Variants in DOCK4 observed in about 807,000 individuals in gnomAD.
DOCK4 encodes dedicator of cytokinesis 4.
Under a neutral mutation model 268.1 loss-of-function variants are expected in DOCK4, and 97 were observed. The ratio of observed to expected loss-of-function variants is 0.36; its 90% CI spans 0.31 to 0.43. The LOEUF (loss-of-function observed/expected upper bound fraction) is 0.43, where lower values mean the gene tolerates loss of function less well. Ranked by LOEUF, DOCK4 falls within the 20% of genes least tolerant of loss-of-function variation. The pLI, the probability that DOCK4 is intolerant of heterozygous loss-of-function variation, is 1.00. For missense variants in DOCK4, 2,145 were observed against 2,455.7 expected (o/e 0.87, Z 2.67); for synonymous variants, 954 against 887.2 (o/e 1.08, Z -1.34).
At chr7:111,848,577 T>C (rs77032942) in intron 23 of DOCK4, among the ~76,000 whole-genome samples, 2,099 of 152,118 alleles carry the variant, frequency 0.014, 41 homozygotes, top group African/African-American at 0.046. Flanking sequence ...GGCAGGAAAA[T>C]AGGGTCTGGA....
chr7:111,951,762 G>A (rs1236040573), intron 8 of DOCK4, among the ~76,000 whole-genome samples: 1 of 151,904 alleles, frequency 6.6e-6, no homozygotes, highest in African/African-American at 2.4e-5. Flanking sequence ...TACACAGAAG[G>A]CTGAGGTGGG....
chr7:111,958,895 A>G (rs963739803), intron 8 of DOCK4, among the ~76,000 whole-genome samples: 7 of 152,174 alleles, frequency 4.6e-5, no homozygotes, highest in African/African-American at 7.2e-5. Context: ...TGCTCATTTC[A>G]TATTTAAAAC....
At chr7:111,787,320 T>A (rs1303635938) in intron 32 of DOCK4, among the ~76,000 whole-genome samples, 1 of 152,158 alleles carries the variant, frequency 6.6e-6, no homozygotes, top group Non-Finnish European at 1.5e-5. Context: ...AAAAGCAATT[T>A]ATTATACTGC....
At chr7:111,973,255 T>C (rs918593432) in intron 8 of DOCK4, among the ~76,000 whole-genome samples, 5 of 150,846 alleles carry the variant, frequency 3.3e-5, no homozygotes, top group East Asian at 3.9e-4. Context: ...CAATTGCAAA[T>C]TGTGCTGTTA....
chr7:112,204,202 T>C, intron 1 of DOCK4, among the ~76,000 whole-genome samples: 1 of 152,082 alleles, frequency 6.6e-6, no homozygotes, highest in Non-Finnish European at 1.5e-5. Flanking sequence ...CCACCGCTTG[T>C]AAAGAAAGGC....
chr7:111,828,093 T>C (rs1802539060), intron 26 of DOCK4, among the ~76,000 whole-genome samples: 1 of 152,132 alleles, frequency 6.6e-6, no homozygotes, highest in Non-Finnish European at 1.5e-5. Flanking sequence ...GCCTCCAGTA[T>C]GAGGTGGGTG....
At chr7:111,992,660 G>A (rs1348298221) in intron 5 of DOCK4, among the ~76,000 whole-genome samples, 1 of 152,184 alleles carries the variant, frequency 6.6e-6, no homozygotes, top group Admixed American at 6.5e-5. Flanking sequence ...GGTAAAAATA[G>A]CTAGATAAGG....
chr7:111,831,222 T>C (rs1802786353), intron 26 of DOCK4, among the ~76,000 whole-genome samples: 1 of 152,126 alleles, frequency 6.6e-6, no homozygotes, highest in African/African-American at 2.4e-5. Flanking sequence ...CCTCATGCAG[T>C]GAATGGCACC....
Position 111,853,570 on chromosome 7 carries a change from G to T in DOCK4, c.2474-6444C>A, listed in dbSNP as rs532454303. Among the ~76,000 whole-genome samples, 3 of 152,308 alleles carry T rather than the reference G, an allele frequency of 2.0e-5. No homozygotes were observed. In the East Asian group the frequency reaches 5.8e-4, roughly 29 times the overall value. On this transcript the variant is annotated intron_variant, in intron 23 of 52. Coordinates refer to ENST00000428084, the MANE Select transcript of DOCK4 (RefSeq NM_001363540.2). ...ATACAGACAACAAGAACTCAGAGAG[G>T]AAAGGACTGCAGATTCAGTGGGCTA...
intron 12 of DOCK4, among the ~76,000 whole-genome samples, chr7:111,921,696 C>A (rs891176344): frequency 2.0e-5 from 3 of 152,146 alleles, no homozygotes; most frequent in African/African-American, 7.2e-5. Context: ...AAGATAAAGG[C>A]ACCAATTCCA....
chr7:112,067,096 T>A, intron 1 of DOCK4, among the ~76,000 whole-genome samples: 1 of 151,746 alleles, frequency 6.6e-6, no homozygotes, highest in East Asian at 1.9e-4. Context: ...AGAGGATTGC[T>A]TCACCCAGGG....
chr7:111,746,439 A>C (rs1323846247), intron 43 of DOCK4, 22 bp from the exon 44 acceptor site: 1 of 1,538,892 alleles, frequency 6.5e-7, no homozygotes, highest in Non-Finnish European at 8.8e-7. Context: ...AAGGAGAATC[A>C]GTCTACTTTA....
At chr7:112,092,296 A>C (rs1241983746) in intron 1 of DOCK4, among the ~76,000 whole-genome samples, 1 of 152,194 alleles carries the variant, frequency 6.6e-6, no homozygotes, top group Non-Finnish European at 1.5e-5. Context: ...ATAAACACTT[A>C]TCAAGTTCCT....
intron 13 of DOCK4, 84 bp from the exon 14 acceptor site, chr7:111,901,885 A>C: frequency 2.0e-6 from 2 of 988,950 alleles, no homozygotes; most frequent in Non-Finnish European, 3.0e-6. Context: ...ACTTTAGTTT[A>C]TACAATATAC....
At chr7:112,022,502 A>G (rs1475033881) in intron 1 of DOCK4, among the ~76,000 whole-genome samples, 1 of 152,224 alleles carries the variant, frequency 6.6e-6, no homozygotes, top group Non-Finnish European at 1.5e-5. Context: ...AGGCTTCTGC[A>G]TAGGTGGGTT....
At chr7:111,897,323 T>G (rs1295428070) in intron 15 of DOCK4, among the ~76,000 whole-genome samples, 1 of 152,112 alleles carries the variant, frequency 6.6e-6, no homozygotes, top group Non-Finnish European at 1.5e-5. Flanking sequence ...GCTCCTGGGT[T>G]CTCTTCTTCC....
At chr7:112,080,864 G>A (rs537576950) in intron 1 of DOCK4, among the ~76,000 whole-genome samples, 2 of 152,282 alleles carry the variant, frequency 1.3e-5, no homozygotes, top group East Asian at 3.9e-4. Context: ...CAGACAGCAA[G>A]ATATTTTGAT....
At chr7:112,194,618 C>G (rs1398357731) in intron 1 of DOCK4, among the ~76,000 whole-genome samples, 1 of 152,100 alleles carries the variant, frequency 6.6e-6, no homozygotes, top group Non-Finnish European at 1.5e-5. Context: ...TGAAAGGAAA[C>G]CTCACAAAGG....
intron 1 of DOCK4, among the ~76,000 whole-genome samples, chr7:112,184,760 G>T (rs1291954214): frequency 6.6e-6 from 1 of 150,520 alleles, no homozygotes; most frequent in Non-Finnish European, 1.5e-5. Flanking sequence ...TCATTTTCTA[G>T]CAATAACACC....
Sources: allele counts gnomAD v4.1 joint callset (sites outside exome capture counted in the v4.1 genomes callset), GRCh38; gene constraint gnomAD v4.1.1; transcripts MANE v1.5; gene names NCBI Gene and HGNC (gene_info 2026-07-23, HGNC 2026-07-21).